TFDP2: variants seen among roughly 807,000 people sequenced by gnomAD.
The protein encoded by TFDP2 is transcription factor Dp-2.
A neutral mutation model predicts 59.3 loss-of-function variants in TFDP2; 17 were observed. That is an observed-to-expected ratio of 0.29 (90% CI 0.20 to 0.43). The LOEUF (loss-of-function observed/expected upper bound fraction) is 0.43, where lower values mean the gene tolerates loss of function less well. Among genes scored for constraint, TFDP2 ranks in the 20% least tolerant of loss-of-function variants. TFDP2 has a pLI of 1.00. For synonymous variants in TFDP2, 180 were observed against 194.7 expected (o/e 0.92, Z 0.63); for missense variants, 391 against 528.8 (o/e 0.74, Z 2.56).
chr3:142,055,658 T>C (rs1316487456), intron 3 of TFDP2, among the ~76,000 whole-genome samples: 1 of 152,220 alleles, frequency 6.6e-6, no homozygotes, highest in Non-Finnish European at 1.5e-5. Context: ...AGCTTCCAAT[T>C]ATTGAAGCTA....
intron 3 of TFDP2, among the ~76,000 whole-genome samples, chr3:142,092,349 CA>C (rs1434160061): frequency 6.6e-6 from 1 of 151,958 alleles, no homozygotes; most frequent in Non-Finnish European, 1.5e-5. Flanking sequence ...TCTTTTGAGA[CA>C]AGGTCTCATT....
rs1185760527 is a variant in TFDP2, at chr3:142,121,818, G to GTTC, written c.-92-19978_-92-19977insGAA. On this transcript the variant is annotated intron_variant, in intron 1 of 12. Transcript: ENST00000489671. This position sits in a 1 kb window ranked among gnomAD's most constrained non-coding sequence, Gnocchi z 4.3. ...GTTCGAGACCAGCCTGACCAACACA[G>GTTC]AGAAACCCTGTCTCTACTAAAAATA... is the stretch of plus-strand genomic sequence containing the variant. 2.0e-5 allele frequency among the ~76,000 whole-genome samples: 3 copies of GTTC among 149,498 alleles called. No homozygotes were observed. Among genetic ancestry groups the GTTC allele is most frequent in the Non-Finnish European group, 4.4e-5 (3 of 67,712 alleles).
At chr3:142,070,371 G>A (rs1038508804) in intron 3 of TFDP2, among the ~76,000 whole-genome samples, 2 of 150,566 alleles carry the variant, frequency 1.3e-5, no homozygotes, top group Admixed American at 1.3e-4. Flanking sequence ...CTAAACCCCT[G>A]GGCTCAAGCA....
chr3:141,965,193 C>G (rs967815237), intron 9 of TFDP2, among the ~76,000 whole-genome samples: 2 of 150,012 alleles, frequency 1.3e-5, no homozygotes, highest in African/African-American at 5.1e-5. Flanking sequence ...TTAAAAGTTC[C>G]TCAAGTCAGA....
chr3:142,062,403 G>GTATA (rs780839045), intron 3 of TFDP2, among the ~76,000 whole-genome samples: 10 of 139,158 alleles, frequency 7.2e-5, no homozygotes, highest in Non-Finnish European at 1.4e-4. Context: ...TAATATATAT[G>GTATA]TGTGTGTGTG....
chr3:142,120,767 T>C (rs2108694443), intron 1 of TFDP2, among the ~76,000 whole-genome samples: 1 of 152,244 alleles, frequency 6.6e-6, no homozygotes, highest in East Asian at 1.9e-4. Flanking sequence ...AGTAGTACAC[T>C]TGAAGGGGTT....
Position 141,946,738 on chromosome 3 carries a change from T to C in TFDP2, c.*5775A>G, listed in dbSNP as rs1352072224. 6.6e-6 allele frequency: 1 copy of C among 152,144 alleles called. No individual in the cohort carries two copies. Among genetic ancestry groups the C allele is most frequent in the African/African-American group, 2.4e-5 (1 of 41,454 alleles). 9.4% of individuals were successfully genotyped at this position (152,144 alleles called of 1,614,324 possible). Reference sequence around the variant, plus strand: ...ATTGAGCTTGAATTTTTTTTAATCATAAAATCTTAGGCTGGGCGTGGTGGC... The same window carrying C: ...ATTGAGCTTGAATTTTTTTTAATCACAAAATCTTAGGCTGGGCGTGGTGGC... On this transcript the variant is annotated 3_prime_UTR_variant, in exon 13 of 13. Transcript: ENST00000489671.
chr3:141,961,323 A>G (rs564078186), intron 10 of TFDP2, among the ~76,000 whole-genome samples: 1 of 145,228 alleles, frequency 6.9e-6, no homozygotes, highest in Non-Finnish European at 1.5e-5. Context: ...GGCTCAATGC[A>G]AACTTCACCT....
intron 6 of TFDP2, chr3:141,989,529 T>A (rs9877240): frequency 0.059 from 8,988 of 152,204 alleles, 859 homozygotes; most frequent in African/African-American, 0.2. Flanking sequence ...GGGAGAAATG[T>A]TTTTGGGGCA....
intron 1 of TFDP2, among the ~76,000 whole-genome samples, chr3:142,147,750 G>A (rs1009189847): frequency 6.6e-6 from 1 of 152,090 alleles, no homozygotes; most frequent in African/African-American, 2.4e-5. Flanking sequence ...CTAGTTACAG[G>A]CACAAGATGT....
intron 1 of TFDP2, among the ~76,000 whole-genome samples, chr3:142,104,414 A>G (rs1456669165): frequency 6.6e-6 from 1 of 152,182 alleles, no homozygotes; most frequent in Non-Finnish European, 1.5e-5. Flanking sequence ...TCTATACAGA[A>G]TTCTGTATCT....
chr3:141,998,467 A>T (rs765024649), intron 4 of TFDP2, among the ~76,000 whole-genome samples: 5 of 152,078 alleles, frequency 3.3e-5, no homozygotes, highest in Non-Finnish European at 7.4e-5. Context: ...TACAAAAAAA[A>T]TCAGCTGGGT....
At chr3:141,998,937 A>G (rs1943528348) in intron 4 of TFDP2, among the ~76,000 whole-genome samples, 1 of 152,216 alleles carries the variant, frequency 6.6e-6, no homozygotes, top group South Asian at 2.1e-4. Flanking sequence ...AAAATTATAA[A>G]GTGGTATATT....
intron 2 of TFDP2, among the ~76,000 whole-genome samples, chr3:142,095,049 G>A (rs1343412638): frequency 2.6e-5 from 4 of 151,620 alleles, no homozygotes; most frequent in Non-Finnish European, 4.4e-5. Flanking sequence ...GGAGTGCAGT[G>A]GCACAATCTC....
At chr3:142,111,843 A>C (rs1419921843) in intron 1 of TFDP2, among the ~76,000 whole-genome samples, 2 of 152,202 alleles carry the variant, frequency 1.3e-5, no homozygotes, top group Non-Finnish European at 2.9e-5. Flanking sequence ...AGGCAGGAAG[A>C]TCACTTGCGC....
intron 4 of TFDP2, among the ~76,000 whole-genome samples, chr3:141,997,356 C>T (rs959003158): frequency 6.6e-6 from 1 of 152,016 alleles, no homozygotes; most frequent in Non-Finnish European, 1.5e-5. Context: ...TCATGCTGAC[C>T]TTGGATGGAC....
At chr3:142,140,696 C>CTGCAGAACAGCAAATAT (rs2062916776) in intron 1 of TFDP2, among the ~76,000 whole-genome samples, 2 of 152,324 alleles carry the variant, frequency 1.3e-5, no homozygotes, top group South Asian at 4.1e-4. Flanking sequence ...GCAGCAGAGG[C>CTGCAGAACAGCAAATAT]TGCAGAACAG....
intron 2 of TFDP2, among the ~76,000 whole-genome samples, chr3:142,096,559 G>T (rs1051692634): frequency 2.6e-5 from 4 of 152,064 alleles, no homozygotes; most frequent in Non-Finnish European, 5.9e-5. Flanking sequence ...TATAAAACAT[G>T]ATGTTATAAG....
intron 6 of TFDP2, among the ~76,000 whole-genome samples, chr3:141,990,357 C>T (rs1942626112): frequency 6.6e-6 from 1 of 151,950 alleles, no homozygotes; most frequent in Non-Finnish European, 1.5e-5. Context: ...TCACTGCAGC[C>T]TCTGCCTCCC....
Sources: allele counts gnomAD v4.1 joint callset (sites outside exome capture counted in the v4.1 genomes callset), GRCh38; gene constraint gnomAD v4.1.1; non-coding constraint Gnocchi (gnomAD v3.1); transcripts MANE v1.5; gene names NCBI Gene and HGNC (gene_info 2026-07-23, HGNC 2026-07-21).